Variants in MAPKAPK3 observed in about 807,000 individuals in gnomAD.
MAPKAPK3 encodes the protein MAPK activated protein kinase 3.
Under a neutral mutation model 49.2 loss-of-function variants are expected in MAPKAPK3, and 35 were observed. That is an observed-to-expected ratio of 0.71 (90% CI 0.54 to 0.94). The LOEUF (loss-of-function observed/expected upper bound fraction) is 0.94, where lower values mean the gene tolerates loss of function less well. Ranked by LOEUF, MAPKAPK3 falls within the 40% of genes least tolerant of loss-of-function variation. MAPKAPK3 has a pLI of 0.00. For synonymous variants in MAPKAPK3, 178 were observed against 188.7 expected (o/e 0.94, Z 0.46); for missense variants, 398 against 493.1 (o/e 0.81, Z 1.83).
intron 2 of MAPKAPK3, among the ~76,000 whole-genome samples, chr3:50,638,939 CA>C (rs1466839816): frequency 6.6e-6 from 1 of 152,266 alleles, no homozygotes; most frequent in Non-Finnish European, 1.5e-5. Context: ...AACACAGTGT[CA>C]CAGATGGTCC....
At chr3:50,643,032 C>T (rs926852950) in intron 5 of MAPKAPK3, among the ~76,000 whole-genome samples, 4 of 151,948 alleles carry the variant, frequency 2.6e-5, no homozygotes, top group African/African-American at 7.3e-5. Flanking sequence ...TTGTATTTTT[C>T]GTAGAGATGG....
In MAPKAPK3 at chr3:50,647,086, T is replaced by A. The variant is rs1046114333; in HGVS notation, c.916-37T>A. On this transcript the variant is annotated intron_variant, in intron 9 of 10. Transcript: ENST00000621469. ...GGGAACCAGTGCTGTCCCAGGTGCC[T>A]CCAGTTTCTAATCCACGGGCGTGGG... 5.9e-6 allele frequency: 9 copies of A among 1,523,994 alleles called. No individual in the cohort carries two copies. The South Asian group carries it at 1.1e-4, about 18-fold the overall frequency. The allele number at this position is 1,523,994 out of a possible 1,614,324, so 94.4% of individuals were successfully genotyped here.
At chr3:50,623,562 C>T (rs944716870) in intron 2 of MAPKAPK3, among the ~76,000 whole-genome samples, 4 of 152,292 alleles carry the variant, frequency 2.6e-5, no homozygotes, top group Middle Eastern at 3.4e-3. Context: ...CCCCCATAAA[C>T]GGCTAACAGT....
At chr3:50,636,474 A>T (rs998887203) in intron 2 of MAPKAPK3, among the ~76,000 whole-genome samples, 12 of 152,232 alleles carry the variant, frequency 7.9e-5, no homozygotes, top group South Asian at 4.1e-4. Flanking sequence ...CAAGTGCTGC[A>T]CAGGAAGTGA....
chr3:50,617,264 C>G (rs996570330), intron 1 of MAPKAPK3, 23 bp downstream of exon 1: 2 of 295,410 alleles, frequency 6.8e-6, no homozygotes, highest in Non-Finnish European at 1.3e-5. Flanking sequence ...TGGGCCCCCT[C>G]TGCGGCCTCC....
intron 2 of MAPKAPK3, among the ~76,000 whole-genome samples, chr3:50,632,049 C>G (rs1261229701): frequency 6.6e-6 from 1 of 152,236 alleles, no homozygotes; most frequent in African/African-American, 2.4e-5. Flanking sequence ...CTCAGCACTC[C>G]TGGCCCACAT....
upstream of MAPKAPK3, chr3:50,612,893 T>G (rs1292330777): frequency 6.6e-6 from 1 of 152,058 alleles, no homozygotes; most frequent in Non-Finnish European, 1.5e-5. Context: ...GTTGCTCCCG[T>G]TATGCGGACA....
At chr3:50,611,796 C>T (rs2032336924), upstream of MAPKAPK3, 5 of 1,108,016 alleles carry the variant, frequency 4.5e-6, no homozygotes, top group East Asian at 3.2e-5. Flanking sequence ...GCGCGGACCG[C>T]CTGCGAGGGC....
upstream of MAPKAPK3, chr3:50,612,877 A>G (rs1356593027): frequency 6.6e-6 from 1 of 152,068 alleles, no homozygotes; most frequent in East Asian, 1.9e-4. Flanking sequence ...ATCCTCTACA[A>G]CTGGTGTTGC....
chr3:50,622,701 C>G (rs974096045), intron 2 of MAPKAPK3, among the ~76,000 whole-genome samples: 1 of 152,184 alleles, frequency 6.6e-6, no homozygotes. Context: ...GCTATTTCTA[C>G]TCTCCTAAGA....
At chr3:50,632,460 A>G (rs924221197) in intron 2 of MAPKAPK3, among the ~76,000 whole-genome samples, 2 of 152,214 alleles carry the variant, frequency 1.3e-5, no homozygotes, top group Non-Finnish European at 2.9e-5. Context: ...GAATTATAAA[A>G]TGTCTGAAAT....
intron 2 of MAPKAPK3, among the ~76,000 whole-genome samples, chr3:50,639,303 G>A (rs553067840): frequency 6.6e-6 from 1 of 152,260 alleles, no homozygotes; most frequent in Non-Finnish European, 1.5e-5. Context: ...ACTCCACTCA[G>A]CTGTCATCTC....
chr3:50,645,578 GCCAGAC>G, intron 6 of MAPKAPK3, 126 bp from the exon 7 acceptor site: 2 of 653,006 alleles, frequency 3.1e-6, no homozygotes, highest in Non-Finnish European at 5.4e-6. Flanking sequence ...TCCAAAAGGT[GCCAGAC>G]GCCAGTCTGC....
upstream of MAPKAPK3, among the ~76,000 whole-genome samples, chr3:50,616,190 T>C (rs1004020384): frequency 6.6e-6 from 1 of 152,194 alleles, no homozygotes; most frequent in African/African-American, 2.4e-5. Context: ...CTCAGGTCCC[T>C]CAGCTTCCGG....
rs751967432 is a variant in MAPKAPK3, at chr3:50,617,648, CG to C, written c.90del (p.Arg31GlyfsTer9). 40 of 1,609,324 alleles carry C rather than the reference CG, an allele frequency of 2.5e-5. No individual in the cohort carries two copies. Among genetic ancestry groups the C allele is most frequent in the Non-Finnish European group, 3.3e-5 (39 of 1,176,870 alleles). ...APGGPGLGGA[P>X]GGRREPKKYA... ...GGCGGACCCGGCTTGGGCGGTGCTC[CG>C]GGGGGGCGGCGGGAGCCCAAGAAGT... On this transcript the variant is annotated frameshift_variant, in exon 2 of 11. Transcript: ENST00000621469. LOFTEE classifies it high-confidence loss of function.
rs2032488688 is a variant in MAPKAPK3 at position 50,617,155 on chromosome 3, T to C, written c.-139T>C. 1 of 150,896 alleles carries C rather than the reference T, an allele frequency of 6.6e-6. No homozygotes were observed. Among genetic ancestry groups the C allele is most frequent in the African/African-American group, 2.5e-5 (1 of 39,910 alleles). The allele number at this position is 150,896 out of a possible 1,614,324, so 9.3% of individuals were successfully genotyped here. ...CACGTGGGCGCCGGCAGCGCGACTC[T>C]CGGCCCTGGGATTTCTGCGGCCGCC... On this transcript the variant is annotated 5_prime_UTR_variant, in exon 1 of 11. Coordinates refer to ENST00000621469, the MANE Select transcript of MAPKAPK3 (RefSeq NM_001243925.2).
chr3:50,635,355 G>T (rs551549179), intron 2 of MAPKAPK3, among the ~76,000 whole-genome samples: 1 of 148,828 alleles, frequency 6.7e-6, no homozygotes, highest in Admixed American at 6.7e-5. Flanking sequence ...AGTTTGCCAG[G>T]TTGTCATGTC....
At chr3:50,616,286 G>C (rs1251799229), upstream of MAPKAPK3, among the ~76,000 whole-genome samples, 2 of 151,944 alleles carry the variant, frequency 1.3e-5, no homozygotes, top group Admixed American at 1.3e-4. Flanking sequence ...CTCTAGACAA[G>C]TTGTTTTCTC....
intron 2 of MAPKAPK3, among the ~76,000 whole-genome samples, chr3:50,636,563 G>A (rs2033045447): frequency 6.6e-6 from 1 of 152,186 alleles, no homozygotes; most frequent in African/African-American, 2.4e-5. Context: ...CCAAGGGTGT[G>A]TGCAATCATC....
Sources: gnomAD v4.1 joint callset for allele counts (sites outside exome capture counted in the v4.1 genomes callset) on GRCh38, gnomAD v4.1.1 for gene constraint, MANE v1.5 for transcripts, NCBI Gene and HGNC (gene_info 2026-07-23, HGNC 2026-07-21) for gene names.